Variants in NFAT5 observed in about 807,000 individuals in gnomAD.
NFAT5 encodes the protein nuclear factor of activated T-cells 5.
A neutral mutation model predicts 166.5 loss-of-function variants in NFAT5; 31 were observed. The observed-to-expected ratio is 0.19, with a 90% CI of 0.14 to 0.25. The LOEUF (loss-of-function observed/expected upper bound fraction) is 0.25. NFAT5 is among the 10% of genes least tolerant of loss of function. NFAT5 has a pLI of 1.00. For missense variants in NFAT5, 1,449 were observed against 1,821.8 expected (o/e 0.80, Z 3.72); for synonymous variants, 612 against 639.7 (o/e 0.96, Z 0.65).
rs2035956990 is a variant in NFAT5 at position 69,657,914 on chromosome 16, T to A, written c.1197-1813T>A. 2.7e-5 allele frequency among the ~76,000 whole-genome samples: 4 copies of A among 150,694 alleles called. No homozygotes were observed. In the South Asian group the frequency reaches 8.3e-4, roughly 31 times the overall value. ...TCCTGGCTGTCATGGTGAAACCCCGTCTCTACTAAAAATACAAAAAATTAG... is the reference window on the plus strand; with the variant it reads ...TCCTGGCTGTCATGGTGAAACCCCGACTCTACTAAAAATACAAAAAATTAG... On this transcript the variant is annotated intron_variant, in intron 6 of 14. Coordinates refer to ENST00000349945, the MANE Select transcript of NFAT5 (RefSeq NM_138713.4).
intron 2 of NFAT5, among the ~76,000 whole-genome samples, chr16:69,575,871 C>T (rs1028876787): frequency 6.6e-6 from 1 of 152,066 alleles, no homozygotes; most frequent in Non-Finnish European, 1.5e-5. Context: ...ATCCCTATTT[C>T]GTAAATGAAC....
At position 69,688,918 on chromosome 16, in the gene NFAT5, A is replaced by G. The variant is rs1279091723; in HGVS notation, c.1775-2022A>G. On this transcript the variant is annotated intron_variant, in intron 11 of 14. Transcript: ENST00000349945. ...ATGGTTTTTCAAAATGTTCTATGGGATATTCTTAGATTACTTTTAAATGCC... is the reference window on the plus strand; with the variant it reads ...ATGGTTTTTCAAAATGTTCTATGGGGTATTCTTAGATTACTTTTAAATGCC... Among the ~76,000 whole-genome samples the G allele has an allele frequency of 2.6e-5, 4 of 152,260 alleles. No homozygotes were observed. In the East Asian group the frequency reaches 7.7e-4, roughly 29 times the overall value.
At chr16:69,615,687 C>CTT (rs1221852082) in intron 2 of NFAT5, among the ~76,000 whole-genome samples, 1 of 152,204 alleles carries the variant, frequency 6.6e-6, no homozygotes, top group Non-Finnish European at 1.5e-5. Flanking sequence ...TTTTCTCTCT[C>CTT]TGTTTGTAAC....
At chr16:69,584,322 T>C (rs1424551399) in intron 2 of NFAT5, among the ~76,000 whole-genome samples, 6 of 146,568 alleles carry the variant, frequency 4.1e-5, no homozygotes, top group African/African-American at 1.2e-4. Context: ...CTGTGTCTCT[T>C]TTTTTTTTTT....
intron 2 of NFAT5, among the ~76,000 whole-genome samples, chr16:69,573,418 G>A (rs1459261565): frequency 6.6e-6 from 1 of 152,042 alleles, no homozygotes; most frequent in Non-Finnish European, 1.5e-5. Flanking sequence ...AATATTTTAT[G>A]TACAAAGATA....
At chr16:69,611,937 T>C (rs565333988) in intron 2 of NFAT5, among the ~76,000 whole-genome samples, 32 of 152,370 alleles carry the variant, frequency 2.1e-4, no homozygotes, top group African/African-American at 5.5e-4. Flanking sequence ...CAGCCTGGTG[T>C]ACATCAGGCA....
chr16:69,646,477 C>T, intron 3 of NFAT5: 2 of 853,474 alleles, frequency 2.3e-6, no homozygotes, highest in Non-Finnish European at 3.2e-6. Context: ...GAATAATCAG[C>T]AGCTCTTTTC....
chr16:69,619,133 G>A (rs1346944160), intron 2 of NFAT5, among the ~76,000 whole-genome samples: 2 of 152,108 alleles, frequency 1.3e-5, no homozygotes, highest in East Asian at 3.9e-4. Flanking sequence ...GGCTCTCTCT[G>A]ACTATTTTGA....
chr16:69,672,398 G>A (rs565013421), intron 9 of NFAT5, among the ~76,000 whole-genome samples: 3 of 152,216 alleles, frequency 2.0e-5, no homozygotes, highest in South Asian at 2.1e-4. Context: ...TAAGATAAGC[G>A]CTTTCATTAG....
intron 2 of NFAT5, among the ~76,000 whole-genome samples, chr16:69,616,958 T>TC (rs1567544086): frequency 1.3e-5 from 2 of 150,212 alleles, no homozygotes; most frequent in African/African-American, 4.9e-5. Context: ...TTTTTTTTTT[T>TC]CTTTGAGATG....
intron 6 of NFAT5, among the ~76,000 whole-genome samples, chr16:69,659,002 T>A (rs2151643874): frequency 6.6e-6 from 1 of 152,322 alleles, no homozygotes; most frequent in Non-Finnish European, 1.5e-5. Context: ...TTCAATGTGG[T>A]AACATACTTT....
At chr16:69,603,922 A>G (rs1270159005) in intron 2 of NFAT5, among the ~76,000 whole-genome samples, 1 of 152,232 alleles carries the variant, frequency 6.6e-6, no homozygotes, top group African/African-American at 2.4e-5. Context: ...GAGACTTAAC[A>G]GTTAAAAATT....
intron 9 of NFAT5, among the ~76,000 whole-genome samples, chr16:69,671,481 C>T (rs2036618710): frequency 6.6e-6 from 1 of 152,240 alleles, no homozygotes; most frequent in Non-Finnish European, 1.5e-5. Context: ...AGCAATTCTC[C>T]TGTCTCAGCC....
intron 6 of NFAT5, 91 bp downstream of exon 6, chr16:69,655,890 T>C: frequency 2.2e-6 from 2 of 919,316 alleles, no homozygotes; most frequent in South Asian, 2.3e-5. Flanking sequence ...ATTTTTTGCG[T>C]ATTTTATTAA....
chr16:69,649,936 A>T (rs1189514877), intron 4 of NFAT5, among the ~76,000 whole-genome samples: 1 of 151,934 alleles, frequency 6.6e-6, no homozygotes, highest in Non-Finnish European at 1.5e-5. Context: ...TATGACTAAG[A>T]TGTTAGAGTC....
At chr16:69,650,151 G>T (rs2035606415) in intron 4 of NFAT5, among the ~76,000 whole-genome samples, 1 of 151,956 alleles carries the variant, frequency 6.6e-6, no homozygotes, top group Admixed American at 6.6e-5. Flanking sequence ...TTTGACATAG[G>T]TCACCAGAAG....
chr16:69,648,586 C>A, intron 4 of NFAT5: 1 of 984,480 alleles, frequency 1.0e-6, no homozygotes, highest in Non-Finnish European at 1.2e-6. Context: ...AGTTCAATAG[C>A]TATGTTACAG....
chr16:69,589,274 G>A (rs919732144), intron 2 of NFAT5, among the ~76,000 whole-genome samples: 6 of 151,746 alleles, frequency 4.0e-5, no homozygotes, highest in Admixed American at 2.6e-4. Context: ...GATTACAGGC[G>A]TGAGCCACCA....
chr16:69,617,561 G>T (rs1279946552), intron 2 of NFAT5, among the ~76,000 whole-genome samples: 1 of 151,520 alleles, frequency 6.6e-6, no homozygotes, highest in African/African-American at 2.4e-5. Context: ...CACAATCATG[G>T]CTCACTGCAG....
Sources: allele counts gnomAD v4.1 joint callset (sites outside exome capture counted in the v4.1 genomes callset), GRCh38; gene constraint gnomAD v4.1.1; transcripts MANE v1.5; gene names NCBI Gene and HGNC (gene_info 2026-07-23, HGNC 2026-07-21).